The following BCOR variants were observed in gnomAD, a reference collection of about 807,000 sequenced individuals.
BCOR encodes the protein BCL-6 corepressor.
A neutral mutation model predicts 86.7 loss-of-function variants in BCOR; 10 were observed. The ratio of observed to expected loss-of-function variants is 0.12; its 90% CI spans 0.07 to 0.20. BCOR has a LOEUF of 0.20. Among genes scored for constraint, BCOR ranks in the 10% least tolerant of loss-of-function variants. The pLI is 1.00. For synonymous variants in BCOR, 611 were observed against 609.0 expected, an observed-to-expected ratio of 1.00 and a Z score of -0.05; for missense variants, 1,259 against 1,452.1, an observed-to-expected ratio of 0.87 and a Z score of 2.16.
chrX:40,156,176 G>A (rs933235595), intron 1 of BCOR, among the ~76,000 whole-genome samples: 3 of 112,954 alleles, frequency 2.7e-5, no homozygotes, highest in Admixed American at 9.3e-5. Flanking sequence ...AGGGCTGGAA[G>A]CCGGCGATGG....
At chrX:40,148,950 G>A (rs1380752604) in intron 1 of BCOR, among the ~76,000 whole-genome samples, 3 of 111,061 alleles carry the variant, frequency 2.7e-5, no homozygotes, top group Non-Finnish European at 5.7e-5. Context: ...AAGGACTGCC[G>A]GACAGGAATG....
At chrX:40,086,130 C>A (rs1936346954) in intron 1 of BCOR, among the ~76,000 whole-genome samples, 1 of 109,359 alleles carries the variant, frequency 9.1e-6, no homozygotes, top group African/African-American at 3.3e-5. Context: ...CCCTTCCCCC[C>A]AAAATACACC....
rs1006716652 is a variant in BCOR, at chrX:40,090,619, C to T, written c.-41+6596G>A. On this transcript the variant is annotated intron_variant, in intron 1 of 14. Coordinates refer to ENST00000378444, the MANE Select transcript of BCOR (RefSeq NM_001123385.2). ...GAGGGCGGCTTCCCGAAGCGATCGCCGTCCAGCCAAGCCTGGGACCGCAGC... is the reference window on the plus strand; with the variant it reads ...GAGGGCGGCTTCCCGAAGCGATCGCTGTCCAGCCAAGCCTGGGACCGCAGC... Among the ~76,000 whole-genome samples the T allele has an allele frequency of 1.4e-4, 16 of 111,942 alleles. No individual in the cohort carries two copies. The South Asian group carries it at 5.9e-3, about 41-fold the overall frequency.
At position 40,080,985 on chromosome X, in the gene BCOR, A is replaced by ACG. The variant is rs555849945; in HGVS notation, c.-40-3018_-40-3017dup. ...CACGCACGCACACGCGCACACACAC[A>ACG]CGCGCACACACACACACACTTATAA... On this transcript the variant is annotated intron_variant, in intron 1 of 14. Transcript: ENST00000378444. Among the ~76,000 whole-genome samples the ACG allele has an allele frequency of 2.7e-3, 57 of 21,112 alleles. No homozygotes were observed. In the East Asian group the frequency reaches 0.073, roughly 27 times the overall value. The allele number at this position is 21,112 out of a possible 115,157, so 18.3% of individuals were successfully genotyped here. A position where few individuals can be genotyped will look rare whatever the true frequency, so the allele number is the denominator to read the frequency against.
chrX:40,144,542 A>G (rs1388932930), intron 1 of BCOR, among the ~76,000 whole-genome samples: 2 of 112,108 alleles, frequency 1.8e-5, no homozygotes, highest in Non-Finnish European at 3.8e-5. Context: ...AGGCCACATA[A>G]AAGCGATTTA....
Position 40,086,069 on chromosome X carries a change from G to T in BCOR, c.-40-8100C>A, listed in dbSNP as rs150110844. The stretch of plus-strand genomic sequence containing the variant: ...CAAATGTGCTCTTGAAAACGGGAAG[G>T]CTTGGAAGAAAAGGTTAAGGGATGT... On this transcript the variant is annotated intron_variant, in intron 1 of 14. Coordinates refer to ENST00000378444, the MANE Select transcript of BCOR (RefSeq NM_001123385.2). Among the ~76,000 whole-genome samples, 551 of 111,875 alleles carry T rather than the reference G, an allele frequency of 4.9e-3. 2 individuals carry two copies. Among genetic ancestry groups the T allele is most frequent in the African/African-American group, 0.017 (535 of 30,764 alleles).
intron 1 of BCOR, among the ~76,000 whole-genome samples, chrX:40,127,845 A>G (rs890013908): frequency 5.7e-5 from 6 of 104,699 alleles, no homozygotes; most frequent in African/African-American, 2.1e-4. Flanking sequence ...TGCGCTCCAG[A>G]GCAAAACCTT....
chrX:40,152,116 G>C (rs1317756376), intron 1 of BCOR, among the ~76,000 whole-genome samples: 1 of 110,801 alleles, frequency 9.0e-6, no homozygotes, highest in East Asian at 2.9e-4. Context: ...GGTTGGTGGG[G>C]TTGCAGGGGG....
intron 1 of BCOR, among the ~76,000 whole-genome samples, chrX:40,094,252 C>T (rs571478941): frequency 3.8e-4 from 43 of 112,548 alleles, no homozygotes; most frequent in South Asian, 3.7e-3. Flanking sequence ...GCCTCCCCCC[C>T]CTCCAGTCCT....
chrX:40,063,276 C>G (rs1935001987), intron 8 of BCOR, among the ~76,000 whole-genome samples: 1 of 112,565 alleles, frequency 8.9e-6, no homozygotes, highest in African/African-American at 3.2e-5. Flanking sequence ...CCTAAGTTAA[C>G]CCACAAAACG....
intron 1 of BCOR, among the ~76,000 whole-genome samples, chrX:40,152,803 GC>G (rs1208011302): frequency 8.9e-6 from 1 of 112,684 alleles, no homozygotes; most frequent in Non-Finnish European, 1.9e-5. Context: ...TTAGGCGGCT[GC>G]CCCCGGGGAA....
At position 40,074,357 on chromosome X, in the gene BCOR, G is replaced by A; in HGVS notation, c.989C>T (p.Ala330Val). The A allele has an allele frequency of 1.7e-6, 2 of 1,211,456 alleles. No individual in the cohort carries two copies. The highest frequency in any genetic ancestry group is 2.3e-4 in the Middle Eastern group (1 of 4,355). The change falls in exon 4 of 15, where the codon GCT becomes GTT. Residue 330 changes from alanine to valine, a missense_variant. This residue lies in a region of BCOR where 534 missense variants were observed against 594.8 expected (regional missense o/e 0.90). Coordinates refer to ENST00000378444, the MANE Select transcript of BCOR (RefSeq NM_001123385.2). The part of the protein sequence containing the change: ...AVTSGLPGDT[A>V]LLLPPSPRPS... ...CCGAGGCGAGGGGGGCAACAGGAGA[G>A]CTGTGTCCCCCGGCAGGCCACTGGT...
chrX:40,173,835 G>A lies in BCOR; in HGVS notation c.-41+3172C>T, dbSNP rs909081654. ...CTCGGAGGAGTTGGCCAAAAGCCAT[G>A]TCCTCTGGGATGTACTTTGGTCTAA... is the stretch of plus-strand genomic sequence containing the variant. On this transcript the variant is annotated intron_variant, in intron 1 of 14. Transcript: ENST00000342274. Among the ~76,000 whole-genome samples the A allele has an allele frequency of 1.1e-4, 12 of 112,950 alleles. No homozygotes were observed. In the Admixed American group the frequency reaches 1.1e-3, roughly 10 times the overall value.
At chrX:40,070,367 T>TG (rs1158155505) in intron 6 of BCOR, among the ~76,000 whole-genome samples, 2 of 111,414 alleles carry the variant, frequency 1.8e-5, no homozygotes, top group Admixed American at 9.5e-5. Context: ...GTTGGTGGGG[T>TG]GGGGGACCTG....
rs765752304 is a variant in BCOR, at chrX:40,073,678, G to A, written c.1668C>T (p.Asn556=). ...RMGGTDAVIT[N]VSGSVSSAGR... is the part of the protein sequence containing the mutation. ...CTGCACTCGACACTGACCCTGAAAC[G>A]TTAGTGATGACAGCATCGGTGCCGC... The change falls in exon 4 of 15, where the codon AAC becomes AAT. Residue 556 remains asparagine (N), a synonymous_variant. Transcript: ENST00000378444. 1.3e-5 allele frequency: 16 copies of A among 1,211,698 alleles called. No individual in the cohort carries two copies. Among genetic ancestry groups the A allele is most frequent in the African/African-American group, 1.7e-5 (1 of 57,678 alleles).
chrX:40,139,404 T>C (rs1937777145), intron 1 of BCOR, among the ~76,000 whole-genome samples: 1 of 17,912 alleles, frequency 5.6e-5, no homozygotes, highest in Admixed American at 1.1e-3. Flanking sequence ...CATATATATA[T>C]ATATATATAT....
chrX:40,134,068 G>A (rs73468251), intron 1 of BCOR, among the ~76,000 whole-genome samples: 11,840 of 107,706 alleles, frequency 0.11, 541 homozygotes, highest in Middle Eastern at 0.15. Flanking sequence ...AGGAGGTGGG[G>A]CCTGGAGCTG....
At chrX:40,138,963 A>T (rs1937750378) in intron 1 of BCOR, among the ~76,000 whole-genome samples, 1 of 110,757 alleles carries the variant, frequency 9.0e-6, no homozygotes, top group Admixed American at 9.7e-5. Flanking sequence ...AGGTGGCGAG[A>T]GTAACTGCCT....
intron 1 of BCOR, among the ~76,000 whole-genome samples, chrX:40,126,522 C>CA (rs111701164): frequency 1.5e-3 from 110 of 71,521 alleles, no homozygotes; most frequent in East Asian, 6.1e-3. Context: ...AAAATTCCGT[C>CA]AAAAAAAAAA....
Sources: allele counts gnomAD v4.1 joint callset (sites outside exome capture counted in the v4.1 genomes callset), GRCh38; gene constraint gnomAD v4.1.1; regional missense constraint gnomAD v4.1.1; transcripts MANE v1.5; gene names NCBI Gene and HGNC (gene_info 2026-07-23, HGNC 2026-07-21).